Variants in NEIL3 observed in about 807,000 individuals in gnomAD.
The protein encoded by NEIL3 is endonuclease 8-like 3.
Under a neutral mutation model 57.5 loss-of-function variants are expected in NEIL3, and 48 were observed. That is an observed-to-expected ratio of 0.83 (90% CI 0.66 to 1.06). The LOEUF is 1.06. Among genes scored for constraint, NEIL3 ranks in the 50% least tolerant of loss-of-function variants. The pLI, the probability that NEIL3 is intolerant of heterozygous loss-of-function variation, is 0.00. For synonymous variants in NEIL3, 261 were observed against 253.2 expected, an observed-to-expected ratio of 1.03 and a Z score of -0.29; for missense variants, 717 against 739.1, an observed-to-expected ratio of 0.97 and a Z score of 0.35.
At chr4:177,358,140 G>A (rs1735519788) in intron 8 of NEIL3, among the ~76,000 whole-genome samples, 1 of 152,086 alleles carries the variant, frequency 6.6e-6, no homozygotes, top group Non-Finnish European at 1.5e-5. Context: ...TGAATCACCT[G>A]GGAATCCTGC....
intron 1 of NEIL3, among the ~76,000 whole-genome samples, chr4:177,321,640 C>T (rs187445105): frequency 1.3e-5 from 2 of 152,200 alleles, no homozygotes; most frequent in Admixed American, 6.5e-5. Flanking sequence ...TAGGATTCTG[C>T]CTATATGTTG....
intron 6 of NEIL3, among the ~76,000 whole-genome samples, chr4:177,344,941 G>GTA (rs1158066428): frequency 6.6e-6 from 1 of 152,090 alleles, no homozygotes; most frequent in Non-Finnish European, 1.5e-5. Flanking sequence ...AACAGAGGAG[G>GTA]TAGTCTTTAC....
At chr4:177,315,672 G>A (rs1241110655) in intron 1 of NEIL3, among the ~76,000 whole-genome samples, 1 of 152,166 alleles carries the variant, frequency 6.6e-6, no homozygotes, top group East Asian at 1.9e-4. Flanking sequence ...TGCCCAGTTT[G>A]TACACAATAG....
At chr4:177,358,417 T>C (rs1215309355) in intron 8 of NEIL3, among the ~76,000 whole-genome samples, 3 of 152,056 alleles carry the variant, frequency 2.0e-5, no homozygotes, top group Non-Finnish European at 4.4e-5. Context: ...AAGGGATTCT[T>C]CTGACTCAGC....
chr4:177,329,246 T>C (rs77317255), intron 2 of NEIL3, among the ~76,000 whole-genome samples: 5 of 151,988 alleles, frequency 3.3e-5, no homozygotes, highest in African/African-American at 1.2e-4. Flanking sequence ...TATATTTAAA[T>C]CAAAGCATAA....
At chr4:177,313,617 AT>A (rs1330212775) in intron 1 of NEIL3, among the ~76,000 whole-genome samples, 1 of 152,226 alleles carries the variant, frequency 6.6e-6, no homozygotes, top group Non-Finnish European at 1.5e-5. Flanking sequence ...TGGATACAAT[AT>A]TTTAGTGAAA....
chr4:177,322,594 GTACGA>G lies in NEIL3; in HGVS notation c.278+18_278+22del. On this transcript the variant is annotated intron_variant, in intron 2 of 9. Coordinates refer to ENST00000264596, the MANE Select transcript of NEIL3 (RefSeq NM_018248.3). Reference sequence around the variant, plus strand: ...AAAAGCTTTACGGTAAGATAAGCCTGTACGATACATCTTATCTCTCTATATTTAAA... The same window carrying G: ...AAAAGCTTTACGGTAAGATAAGCCTGTACATCTTATCTCTCTATATTTAAA... The G allele has an allele frequency of 1.2e-6, 2 of 1,613,612 alleles. No homozygotes were observed. The highest frequency in any genetic ancestry group is 2.7e-5 in the African/African-American group (2 of 75,020).
chr4:177,360,486 G>A lies in NEIL3; in HGVS notation c.1461-17G>A. The A allele has an allele frequency of 6.2e-7, 1 of 1,607,742 alleles. No individual in the cohort carries two copies. On this transcript the variant is annotated splice_polypyrimidine_tract_variant and intron_variant, in intron 8 of 9. Transcript: ENST00000264596. ...AGCACTCCTATGCTGTACTTATTTTGTAACCTGTCATTACAGTGAACTTCA... is the reference window on the plus strand; with the variant it reads ...AGCACTCCTATGCTGTACTTATTTTATAACCTGTCATTACAGTGAACTTCA...
At chr4:177,338,766 T>C (rs969278369) in intron 4 of NEIL3, among the ~76,000 whole-genome samples, 19 of 152,246 alleles carry the variant, frequency 1.2e-4, no homozygotes, top group African/African-American at 4.6e-4. Context: ...GAAATGCATA[T>C]CTTTTCTAAA....
chr4:177,350,380 C>T (rs1459538129), intron 6 of NEIL3, among the ~76,000 whole-genome samples: 2 of 152,000 alleles, frequency 1.3e-5, no homozygotes, highest in Non-Finnish European at 2.9e-5. Context: ...ATGTCACAGC[C>T]GTATAAAGGC....
Position 177,320,459 on chromosome 4 carries a change from C to CTGCTGTCT in NEIL3, c.157-1998_157-1991dup, listed in dbSNP as rs1267883358. 9.6e-3 allele frequency among the ~76,000 whole-genome samples: 1,092 copies of CTGCTGTCT among 113,216 alleles called. 51 individuals are homozygous for CTGCTGTCT. The highest frequency in any genetic ancestry group is 0.015 in the South Asian group (46 of 3,170). The allele number at this position is 113,216 out of a possible 152,430, so 74.3% of individuals were successfully genotyped here. On this transcript the variant is annotated intron_variant, in intron 1 of 9. Transcript: ENST00000264596. The stretch of plus-strand genomic sequence containing the variant: ...GTGATTTGTGCAGAACAGGAAGTGA[C>CTGCTGTCT]TGCTGTCTTTTTTTTTTTTTTTTTT...
At position 177,362,582 on chromosome 4, in the gene NEIL3, C is replaced by A. The variant is rs895726053; in HGVS notation, c.*111C>A. 2.5e-6 allele frequency: 2 copies of A among 795,926 alleles called. No individual in the cohort carries two copies. The highest frequency in any genetic ancestry group is 3.8e-6 in the Non-Finnish European group (2 of 528,692). The allele number at this position is 795,926 out of a possible 1,614,324, so 49.3% of individuals were successfully genotyped here. Reference sequence around the variant, plus strand: ...TCTATGATACATTGAAAAGTTACTGCAATATTTGAGAACTGTTCTTTTTTT... The same window carrying A: ...TCTATGATACATTGAAAAGTTACTGAAATATTTGAGAACTGTTCTTTTTTT... On this transcript the variant is annotated 3_prime_UTR_variant, in exon 10 of 10. Transcript: ENST00000264596.
At chr4:177,365,067 AG>A (rs1735676345), downstream of NEIL3, among the ~76,000 whole-genome samples, 1 of 152,238 alleles carries the variant, frequency 6.6e-6, no homozygotes, top group African/African-American at 2.4e-5. Context: ...TCCTTGAATA[AG>A]ACTTCATTCA....
At chr4:177,356,090 A>G (rs1735468345) in intron 8 of NEIL3, among the ~76,000 whole-genome samples, 1 of 152,136 alleles carries the variant, frequency 6.6e-6, no homozygotes, top group African/African-American at 2.4e-5. Context: ...ATCATTTCCA[A>G]ACAGTCTTTT....
chr4:177,323,599 C>T (rs1056907532), intron 2 of NEIL3, among the ~76,000 whole-genome samples: 9 of 152,178 alleles, frequency 5.9e-5, no homozygotes, highest in Admixed American at 5.2e-4. Flanking sequence ...TTGATAACAT[C>T]AGCATATGCC....
intron 1 of NEIL3, among the ~76,000 whole-genome samples, chr4:177,312,987 T>C (rs921429447): frequency 1.3e-5 from 2 of 152,234 alleles, no homozygotes; most frequent in Non-Finnish European, 2.9e-5. Context: ...AGATCATTAC[T>C]GTAGCAGATG....
At chr4:177,354,115 T>C (rs2110933663) in intron 8 of NEIL3, 1 of 174,714 alleles carries the variant, frequency 5.7e-6, no homozygotes, top group East Asian at 1.7e-4. Flanking sequence ...GGTAAGGAAG[T>C]TGAATTACTT....
intron 6 of NEIL3, among the ~76,000 whole-genome samples, chr4:177,342,138 T>C (rs143492912): frequency 6.6e-6 from 1 of 152,222 alleles, no homozygotes; most frequent in Admixed American, 6.5e-5. Context: ...AACCGCAGGA[T>C]AGGTTTGAGG....
At chr4:177,349,192 T>C (rs959907001) in intron 6 of NEIL3, among the ~76,000 whole-genome samples, 1 of 151,996 alleles carries the variant, frequency 6.6e-6, no homozygotes, top group Admixed American at 6.6e-5. Context: ...TCGTGGGTCA[T>C]GAATTTTGTC....
Sources: allele counts gnomAD v4.1 joint callset (sites outside exome capture counted in the v4.1 genomes callset), GRCh38; gene constraint gnomAD v4.1.1; transcripts MANE v1.5; gene names NCBI Gene and HGNC (gene_info 2026-07-23, HGNC 2026-07-21).